ZBTB38: variants seen among roughly 807,000 people sequenced by gnomAD.
ZBTB38 encodes the protein zinc finger and BTB domain containing 38, also known as zinc finger and BTB domain-containing protein 38.
ZBTB38 carries 20 observed loss-of-function variants against 76.8 expected under a neutral mutation model. The observed-to-expected ratio is 0.26, with a 90% CI of 0.18 to 0.38. The LOEUF (loss-of-function observed/expected upper bound fraction) is 0.38, where lower values mean the gene tolerates loss of function less well. Among genes scored for constraint, ZBTB38 ranks in the 10% least tolerant of loss-of-function variants. The pLI is 1.00. For missense variants in ZBTB38, 1,082 were observed against 1,482.3 expected (o/e 0.73, Z 4.43); for synonymous variants, 504 against 544.2 (o/e 0.93, Z 1.03).
Position 141,448,802 on chromosome 3 carries a change from T to A in ZBTB38, c.*2826T>A, listed in dbSNP as rs183090152. 674 of 152,368 alleles carry A rather than the reference T, an allele frequency of 4.4e-3. 7 individuals are homozygous for A. The highest frequency in any genetic ancestry group is 0.016 in the African/African-American group (645 of 41,578). 9.4% of individuals were successfully genotyped at this position (152,368 alleles called of 1,614,324 possible). On this transcript the variant is annotated 3_prime_UTR_variant, in exon 6 of 6. Coordinates refer to ENST00000321464, the MANE Select transcript of ZBTB38 (RefSeq NM_001376113.1). The stretch of plus-strand genomic sequence containing the variant: ...TTCCACGTATTATTCAGTTTATTTC[T>A]GTTTCCTTACTTGTTTACATTCCGT...
intron 1 of ZBTB38, among the ~76,000 whole-genome samples, chr3:141,329,788 A>AT (rs901311267): frequency 1.2e-4 from 18 of 151,388 alleles, no homozygotes; most frequent in South Asian, 2.1e-4. Context: ...TACTGTTTGG[A>AT]TTTTTTTTTA....
At chr3:141,398,559 T>C (rs1048836719) in intron 4 of ZBTB38, among the ~76,000 whole-genome samples, 2 of 152,198 alleles carry the variant, frequency 1.3e-5, no homozygotes, top group South Asian at 2.1e-4. Flanking sequence ...CTTAAACATA[T>C]GTAGTAGAGG....
intron 5 of ZBTB38, among the ~76,000 whole-genome samples, chr3:141,440,975 A>C (rs2080030496): frequency 6.7e-6 from 1 of 149,598 alleles, no homozygotes; most frequent in Non-Finnish European, 1.5e-5. Flanking sequence ...CGGAAGTTGC[A>C]GTGAGCTGAG....
chr3:141,449,736 CAG>C lies in ZBTB38; in HGVS notation c.*3762_*3763del, dbSNP rs2081361012. 6.6e-6 allele frequency: 1 copy of C among 152,168 alleles called. No individual in the cohort carries two copies. The highest frequency in any genetic ancestry group is 1.5e-5 in the Non-Finnish European group (1 of 68,024). 9.4% of individuals were successfully genotyped at this position (152,168 alleles called of 1,614,324 possible). On this transcript the variant is annotated 3_prime_UTR_variant, in exon 6 of 6. Coordinates refer to ENST00000321464, the MANE Select transcript of ZBTB38 (RefSeq NM_001376113.1). ...CTAACTTCATTATGTACAAGAACAA[CAG>C]ATTTAATATTGAAAGCATCTGTAAC...
intron 4 of ZBTB38, chr3:141,389,695 C>G (rs1316611569): frequency 6.6e-6 from 1 of 152,166 alleles, no homozygotes; most frequent in African/African-American, 2.4e-5. Context: ...TAAAACACTA[C>G]TGCTAGTCAG....
chr3:141,367,821 T>G (rs1156419492), upstream of ZBTB38: 1 of 152,224 alleles, frequency 6.6e-6, no homozygotes. Context: ...ATTTAATATG[T>G]GTCCTCTACT....
chr3:141,352,404 T>C (rs1420992223), intron 1 of ZBTB38, among the ~76,000 whole-genome samples: 1 of 152,002 alleles, frequency 6.6e-6, no homozygotes. Context: ...AGAATCAGAA[T>C]GTTGTAGAAG....
intron 2 of ZBTB38, among the ~76,000 whole-genome samples, chr3:141,371,045 CTTTTTTTTTT>C (rs754872291): frequency 2.9e-4 from 21 of 72,008 alleles, no homozygotes; most frequent in African/African-American, 1.2e-3. Context: ...TTCTTTCTTT[CTTTTTTTTTT>C]TTTTTTTTTT....
At chr3:141,345,367 A>G (rs1943320105) in intron 1 of ZBTB38, among the ~76,000 whole-genome samples, 1 of 152,024 alleles carries the variant, frequency 6.6e-6, no homozygotes. Context: ...CTATGGCTGC[A>G]AGGGCCTGGA....
chr3:141,434,848 A>G (rs1267139035), intron 5 of ZBTB38, among the ~76,000 whole-genome samples: 1 of 152,094 alleles, frequency 6.6e-6, no homozygotes, highest in Non-Finnish European at 1.5e-5. Flanking sequence ...TTTAATTTAT[A>G]TAGGCTGGCT....
chr3:141,403,955 A>G lies in ZBTB38; in HGVS notation c.-77A>G, dbSNP rs1953333050. ...TTGATGTGGAAGAAATGGAGGACTC[A>G]GAACCAAGGATTTCCAAGTGATTTC... On this transcript the variant is annotated 5_prime_UTR_variant, in exon 5 of 6. Transcript: ENST00000321464. 1 of 152,210 alleles carries G rather than the reference A, an allele frequency of 6.6e-6. No individual in the cohort carries two copies. The highest frequency in any genetic ancestry group is 1.5e-5 in the Non-Finnish European group (1 of 68,038). 9.4% of individuals were successfully genotyped at this position (152,210 alleles called of 1,614,324 possible).
In ZBTB38 at chr3:141,445,104, G is replaced by A. The variant is rs778141474; in HGVS notation, c.2716G>A (p.Ala906Thr). The A allele has an allele frequency of 9.3e-6, 15 of 1,614,008 alleles. No individual in the cohort carries two copies. In the East Asian group the frequency reaches 1.1e-4, roughly 12 times the overall value. ...CMEMSEVFDD[A>T]SDQDSTDKPW... ...GGAGATGAGTGAAGTGTTCGATGAC[G>A]CAAGTGACCAGGATTCCACTGACAA... Residue 906 changes from alanine to threonine, a missense_variant, in exon 6 of 6, where the codon GCA becomes ACA. By Grantham distance (58) the Ala-to-Thr change is moderately conservative. This residue lies in a region of ZBTB38 where 471 missense variants were observed against 581.0 expected (regional missense o/e 0.81). Coordinates refer to ENST00000321464, the MANE Select transcript of ZBTB38 (RefSeq NM_001376113.1). The surrounding 1 kb of genome is among the most constrained non-coding windows in gnomAD (Gnocchi z 6.5).
At chr3:141,415,632 G>C (rs12633093) in intron 5 of ZBTB38, among the ~76,000 whole-genome samples, 4,636 of 152,334 alleles carry the variant, frequency 0.03, 145 homozygotes, top group Admixed American at 0.09. Context: ...CTGACATAGA[G>C]ATTGGCCTAT....
At chr3:141,376,337 C>T (rs1055470907) in intron 2 of ZBTB38, among the ~76,000 whole-genome samples, 1 of 152,222 alleles carries the variant, frequency 6.6e-6, no homozygotes, top group Non-Finnish European at 1.5e-5. Context: ...AAAGGAGCTC[C>T]TCCACAGGAT....
chr3:141,335,227 C>G (rs942598915), intron 1 of ZBTB38, among the ~76,000 whole-genome samples: 1 of 152,156 alleles, frequency 6.6e-6, no homozygotes, highest in Non-Finnish European at 1.5e-5. Flanking sequence ...GTTGTCTGCT[C>G]GTGTTATGTA....
At chr3:141,398,846 G>A (rs1321276885) in intron 4 of ZBTB38, among the ~76,000 whole-genome samples, 1 of 152,140 alleles carries the variant, frequency 6.6e-6, no homozygotes, top group Non-Finnish European at 1.5e-5. Context: ...TTCAAAAAAT[G>A]AGAGGTCATC....
rs116711186 is a variant in ZBTB38, at chr3:141,375,261, A to G, written c.-235+5315A>G. 7.9e-3 allele frequency among the ~76,000 whole-genome samples: 1,205 copies of G among 152,348 alleles called. 24 individuals carry two copies. The highest frequency in any genetic ancestry group is 0.028 in the African/African-American group (1,166 of 41,582). ...TGTACACATGAAATCACTGAGGCCC[A>G]TAATGGTTCATTTACTTCCTGGTGG... On this transcript the variant is annotated intron_variant, in intron 2 of 5. Coordinates refer to ENST00000321464, the MANE Select transcript of ZBTB38 (RefSeq NM_001376113.1).
chr3:141,338,096 AC>A (rs1343608846), intron 1 of ZBTB38, among the ~76,000 whole-genome samples: 2 of 152,164 alleles, frequency 1.3e-5, no homozygotes, highest in African/African-American at 4.8e-5. Flanking sequence ...GTGAGATACC[AC>A]CTTGCACCAT....
intron 2 of ZBTB38, among the ~76,000 whole-genome samples, chr3:141,376,620 C>T (rs1945390631): frequency 6.6e-6 from 1 of 152,194 alleles, no homozygotes; most frequent in African/African-American, 2.4e-5. Context: ...ATAATGTTTG[C>T]CTTATGTAAA....
Sources: allele counts gnomAD v4.1 joint callset (sites outside exome capture counted in the v4.1 genomes callset), GRCh38; gene constraint gnomAD v4.1.1; regional missense constraint gnomAD v4.1.1; non-coding constraint Gnocchi (gnomAD v3.1); transcripts MANE v1.5; gene names NCBI Gene and HGNC (gene_info 2026-07-23, HGNC 2026-07-21).